Variants in MEIS3 observed in about 807,000 individuals in gnomAD.
MEIS3 encodes Meis homeobox 3.
Under a neutral mutation model 51.4 loss-of-function variants are expected in MEIS3, and 38 were observed. The observed-to-expected ratio is 0.74, with a 90% CI of 0.57 to 0.97. The LOEUF (loss-of-function observed/expected upper bound fraction) is 0.97. MEIS3 is among the 50% of genes least tolerant of loss of function. The pLI is 0.00. For synonymous variants in MEIS3, 198 were observed against 201.8 expected, an observed-to-expected ratio of 0.98 and a Z score of 0.16; for missense variants, 456 against 502.6, an observed-to-expected ratio of 0.91 and a Z score of 0.89.
Position 47,418,156 on chromosome 19 carries a change from A to G in MEIS3, c.13-806T>C, listed in dbSNP as rs571057371. The stretch of plus-strand genomic sequence containing the variant: ...GGTAGGACGACCGCGTCCTGTCGTC[A>G]CAGAACCATGCACCTGGGAAGCCAG... On this transcript the variant is annotated intron_variant, in intron 1 of 12. Transcript: ENST00000558555. The G allele has an allele frequency of 4.3e-5, 7 of 164,488 alleles. No individual in the cohort carries two copies. The East Asian group carries it at 1.2e-3, about 29-fold the overall frequency. 10.2% of individuals were successfully genotyped at this position (164,488 alleles called of 1,614,324 possible).
In MEIS3 at chr19:47,403,404, G is replaced by A. The variant is rs745364551; in HGVS notation, c.*167C>T. 2 of 454,752 alleles carry A rather than the reference G, an allele frequency of 4.4e-6. No homozygotes were observed. The highest frequency in any genetic ancestry group is 2.3e-5 in the Admixed American group (1 of 42,586). 28.2% of individuals were successfully genotyped at this position (454,752 alleles called of 1,614,324 possible). On this transcript the variant is annotated 3_prime_UTR_variant, in exon 13 of 13. Transcript: ENST00000558555. ...CTTGCCGGTGTCCTTGAGAGCCCTT[G>A]GATGGGCACTCAGGCCCCCATGTCC...
chr19:47,409,691 G>A (rs917182739), intron 6 of MEIS3, 144 bp from the exon 7 acceptor site: 7 of 558,298 alleles, frequency 1.3e-5, no homozygotes, highest in East Asian at 3.2e-5. Context: ...GTGAAACCCC[G>A]TCTCTACTAA....
At chr19:47,409,275 G>A in intron 7 of MEIS3, 28 bp from the exon 8 acceptor site, 1 of 1,597,230 alleles carries the variant, frequency 6.3e-7, no homozygotes, top group Non-Finnish European at 8.5e-7. Flanking sequence ...TGCTGTGTGT[G>A]TGGGTAGTGA....
intron 8 of MEIS3, 45 bp downstream of exon 8, chr19:47,409,054 C>T: frequency 6.3e-7 from 1 of 1,597,916 alleles, no homozygotes; most frequent in South Asian, 1.1e-5. Flanking sequence ...CCACCCTTCT[C>T]CCTCTCTCCA....
rs1385396308 is a variant in MEIS3 at position 47,407,367 on chromosome 19, A to G, written c.920T>C (p.Leu307Pro). 19 of 1,613,058 alleles carry G rather than the reference A, an allele frequency of 1.2e-5. No homozygotes were observed. The East Asian group carries it at 4.0e-4, about 34-fold the overall frequency. The change falls in exon 9 of 13, where the codon CTG becomes CCG. Residue 307 changes from leucine (L) to proline (P), a missense_variant. Coordinates refer to ENST00000558555, the MANE Select transcript of MEIS3 (RefSeq NM_001301059.2). ...QLAQDTGLTI[L>P]QVNNWFINAR... ...GGCCACTCACCAGTTGTTGACTTGC[A>G]GGATGGTGAGCCCCGTGTCCTGCGC...
intron 12 of MEIS3, 66 bp from the exon 13 acceptor site, chr19:47,403,619 C>A: frequency 2.8e-6 from 1 of 362,674 alleles, no homozygotes; most frequent in Non-Finnish European, 5.5e-6. Context: ...CCCAGCCCAT[C>A]TGTGCAGGCC....
At position 47,419,127 on chromosome 19, in the gene MEIS3, G is replaced by C. The variant is rs1314513733; in HGVS notation, c.-46C>G. 1.6e-6 allele frequency: 2 copies of C among 1,226,146 alleles called. No homozygotes were observed. The highest frequency in any genetic ancestry group is 2.0e-6 in the Non-Finnish European group (2 of 983,248). 76.0% of individuals were successfully genotyped at this position (1,226,146 alleles called of 1,614,324 possible). ...TCCTGGGTCCCTCCAGAGCCTGGCC[G>C]CGGGGGAGGGCGCAGCCCGGGGCCG... On this transcript the variant is annotated 5_prime_UTR_variant, in exon 1 of 13. Transcript: ENST00000558555.
chr19:47,414,887 TGG>T, intron 5 of MEIS3, 21 bp from the exon 6 acceptor site: 1 of 716,612 alleles, frequency 1.4e-6, no homozygotes, highest in Non-Finnish European at 1.8e-6. Flanking sequence ...ACCGGGGTAC[TGG>T]GGGGGGCCAC....
At chr19:47,420,292 G>A (rs1200574832), upstream of MEIS3, among the ~76,000 whole-genome samples, 3 of 152,204 alleles carry the variant, frequency 2.0e-5, no homozygotes, top group Non-Finnish European at 2.9e-5. Context: ...TGGGGTGAGG[G>A]ATGCAAGGGT....
In MEIS3 at chr19:47,412,622, C is replaced by T. The variant is rs1445526109; in HGVS notation, c.597+2095G>A. 5.3e-5 allele frequency among the ~76,000 whole-genome samples: 8 copies of T among 152,124 alleles called. No individual in the cohort carries two copies. The South Asian group carries it at 6.2e-4, about 12-fold the overall frequency. On this transcript the variant is annotated intron_variant, in intron 6 of 12. Coordinates refer to ENST00000558555, the MANE Select transcript of MEIS3 (RefSeq NM_001301059.2). Reference sequence around the variant, plus strand: ...TGTCACCCAGGCTGAAGTGCAATAGCGCGATCTTGGCTCACTGCAACCTTC... The same window carrying T: ...TGTCACCCAGGCTGAAGTGCAATAGTGCGATCTTGGCTCACTGCAACCTTC...
chr19:47,416,584 C>A (rs1333359982), intron 4 of MEIS3, 68 bp downstream of exon 4: 2 of 1,331,660 alleles, frequency 1.5e-6, no homozygotes, highest in Non-Finnish European at 2.0e-6. Context: ...CCCACCAACC[C>A]CAGGGATGGG....
chr19:47,406,548 G>C, intron 11 of MEIS3, 22 bp from the exon 12 acceptor site: 1 of 1,613,566 alleles, frequency 6.2e-7, no homozygotes, highest in African/African-American at 1.3e-5. Context: ...AAAAAAAGGA[G>C]GGTAAGTGCG....
At chr19:47,413,468 G>A (rs1971239871) in intron 6 of MEIS3, among the ~76,000 whole-genome samples, 1 of 152,046 alleles carries the variant, frequency 6.6e-6, no homozygotes, top group African/African-American at 2.4e-5. Context: ...TCATAGGAGT[G>A]TATCTGAGGT....
chr19:47,412,078 C>T (rs1358293347), intron 6 of MEIS3, among the ~76,000 whole-genome samples: 1 of 152,144 alleles, frequency 6.6e-6, no homozygotes, highest in Non-Finnish European at 1.5e-5. Flanking sequence ...AAGCAATCCT[C>T]CTGCCTCGAC....
chr19:47,417,091 C>CAG, intron 2 of MEIS3, 87 bp downstream of exon 2: 2 of 1,536,186 alleles, frequency 1.3e-6, no homozygotes, highest in South Asian at 2.5e-5. Context: ...GACTCGTACA[C>CAG]AGAGAGAGAC....
chr19:47,412,803 C>G (rs953970582), intron 6 of MEIS3, among the ~76,000 whole-genome samples: 2 of 151,648 alleles, frequency 1.3e-5, no homozygotes, highest in Admixed American at 1.3e-4. Flanking sequence ...CTCCTGACCT[C>G]GTGATCTGCC....
chr19:47,407,794 C>T (rs1318043460), intron 8 of MEIS3, among the ~76,000 whole-genome samples: 1 of 152,000 alleles, frequency 6.6e-6, no homozygotes, highest in Admixed American at 6.6e-5. Context: ...TCTGTGTGGC[C>T]CTCTCCCTAT....
At chr19:47,407,454 T>A (rs781258681) in intron 8 of MEIS3, 26 bp from the exon 9 acceptor site, 1 of 1,613,860 alleles carries the variant, frequency 6.2e-7, no homozygotes, top group Admixed American at 1.7e-5. Context: ...AGAGTCACTC[T>A]GCCTGCCTGG....
upstream of MEIS3, among the ~76,000 whole-genome samples, chr19:47,420,890 T>TCG (rs1971683517): frequency 8.3e-6 from 1 of 120,112 alleles, no homozygotes; most frequent in Admixed American, 9.1e-5. Context: ...TCTCTGTCTC[T>TCG]CGCTCTCTCT....
Sources: gnomAD v4.1 joint callset for allele counts (sites outside exome capture counted in the v4.1 genomes callset) on GRCh38, gnomAD v4.1.1 for gene constraint, MANE v1.5 for transcripts, NCBI Gene and HGNC (gene_info 2026-07-23, HGNC 2026-07-21) for gene names.